Variants in ASAP1 observed in about 807,000 individuals in gnomAD.
The protein encoded by ASAP1 is ArfGAP with SH3 domain, ankyrin repeat and PH domain 1, also known as arf-GAP with SH3 domain, ANK repeat and PH domain-containing protein 1.
Under a neutral mutation model 145.2 loss-of-function variants are expected in ASAP1, and 43 were observed. That is an observed-to-expected ratio of 0.30 (90% CI 0.23 to 0.38). The LOEUF is 0.38. Ranked by LOEUF, ASAP1 falls within the 10% of genes least tolerant of loss-of-function variation. The pLI is 1.00. For missense variants in ASAP1, 1,018 were observed against 1,355.3 expected, an observed-to-expected ratio of 0.75 and a Z score of 3.91; for synonymous variants, 546 against 515.5, an observed-to-expected ratio of 1.06 and a Z score of -0.80.
chr8:130,204,155 G>A (rs756908261), intron 5 of ASAP1, among the ~76,000 whole-genome samples: 2 of 152,160 alleles, frequency 1.3e-5, no homozygotes, highest in Non-Finnish European at 2.9e-5. Context: ...ATCAAGGGCA[G>A]CATCAGACTC....
At chr8:130,433,688 GCTT>G (rs1359979762) in intron 1 of ASAP1, among the ~76,000 whole-genome samples, 1 of 152,196 alleles carries the variant, frequency 6.6e-6, no homozygotes, top group African/African-American at 2.4e-5. Context: ...ACTCTTTCAT[GCTT>G]CTTCTCCCTA....
At chr8:130,147,236 A>G (rs1238803583) in intron 13 of ASAP1, among the ~76,000 whole-genome samples, 2 of 151,978 alleles carry the variant, frequency 1.3e-5, no homozygotes, top group South Asian at 2.1e-4. Context: ...AAGAATTCCA[A>G]TAAACCACAG....
Position 130,071,000 on chromosome 8 carries a change from AGGG to A in ASAP1, c.2701+5345_2701+5347del, listed in dbSNP as rs2097444522. ...GGGAGGGGGGGAGAGAGAGAGAGAG[AGGG>A]GAGGGGGGGAGAGAGAGAGAGAGAG... On this transcript the variant is annotated intron_variant, in intron 27 of 29. Transcript: ENST00000518721. Among the ~76,000 whole-genome samples the A allele has an allele frequency of 2.1e-3, 10 of 4,752 alleles. 1 individual carries two copies. The highest frequency in any genetic ancestry group is 5.2e-3 in the African/African-American group (3 of 574). 3.1% of individuals were successfully genotyped at this position (4,752 alleles called of 152,430 possible). A position where few individuals can be genotyped will look rare whatever the true frequency, so the allele number is the denominator to read the frequency against.
rs543806445 is a variant in ASAP1 at position 130,213,801 on chromosome 8, C to T, written c.405+755G>A. 5.3e-5 allele frequency among the ~76,000 whole-genome samples: 8 copies of T among 152,274 alleles called. No homozygotes were observed. In the East Asian group the frequency reaches 7.7e-4, roughly 15 times the overall value. On this transcript the variant is annotated intron_variant, in intron 5 of 29. Coordinates refer to ENST00000518721, the MANE Select transcript of ASAP1 (RefSeq NM_018482.4). ...CAAAACCAACAAAATCCAAATGATCCGTCCAGGTGGTGTTACCCAGAACCT... is the reference window on the plus strand; with the variant it reads ...CAAAACCAACAAAATCCAAATGATCTGTCCAGGTGGTGTTACCCAGAACCT...
intron 2 of ASAP1, among the ~76,000 whole-genome samples, chr8:130,391,008 A>C (rs1229081456): frequency 1.3e-5 from 2 of 151,646 alleles, no homozygotes; most frequent in African/African-American, 2.4e-5. Context: ...ATAATTCATA[A>C]CAACCAAAAG....
At chr8:130,191,628 G>T (rs780645789) in intron 5 of ASAP1, among the ~76,000 whole-genome samples, 9 of 152,114 alleles carry the variant, frequency 5.9e-5, no homozygotes, top group Non-Finnish European at 1.2e-4. Flanking sequence ...GGTGTGAGAA[G>T]GACCAACGCT....
chr8:130,124,119 A>G lies in ASAP1; in HGVS notation c.1516-15T>C. On this transcript the variant is annotated splice_polypyrimidine_tract_variant and intron_variant, in intron 17 of 29. Transcript: ENST00000518721. ...TTCTTGGCCAGCTGTAACAGAAAAA[A>G]CAAACAACCACAATATAGCAAACTC... 1 of 1,543,576 alleles carries G rather than the reference A, an allele frequency of 6.5e-7. No homozygotes were observed. The highest frequency in any genetic ancestry group is 8.8e-7 in the Non-Finnish European group (1 of 1,130,304).
intron 12 of ASAP1, among the ~76,000 whole-genome samples, chr8:130,159,357 TCA>T (rs1253011022): frequency 2.0e-5 from 3 of 151,718 alleles, no homozygotes; most frequent in African/African-American, 7.3e-5. Context: ...GCACGGTGGC[TCA>T]CACCTAAAAT....
chr8:130,403,857 T>C (rs1402139526), intron 1 of ASAP1, among the ~76,000 whole-genome samples: 1 of 152,132 alleles, frequency 6.6e-6, no homozygotes, highest in African/African-American at 2.4e-5. Flanking sequence ...CCCGGCCCAT[T>C]GGACATTTTC....
chr8:130,398,363 A>G (rs1828628297), intron 2 of ASAP1, among the ~76,000 whole-genome samples: 1 of 152,216 alleles, frequency 6.6e-6, no homozygotes, highest in Non-Finnish European at 1.5e-5. Context: ...TGGGAAAAAT[A>G]GTACTTACTA....
At chr8:130,244,811 C>A (rs2114197) in intron 3 of ASAP1, among the ~76,000 whole-genome samples, 2 of 152,064 alleles carry the variant, frequency 1.3e-5, no homozygotes, top group African/African-American at 2.4e-5. Context: ...CCATCTTTAA[C>A]CCCTGCAATC....
At chr8:130,395,226 G>T (rs1333753000) in intron 2 of ASAP1, among the ~76,000 whole-genome samples, 2 of 152,200 alleles carry the variant, frequency 1.3e-5, no homozygotes, top group African/African-American at 4.8e-5. Flanking sequence ...GAAAGAAAGG[G>T]AAGGCAACAA....
Position 130,118,188 on chromosome 8 carries a change from T to C in ASAP1, c.1853A>G (p.His618Arg), listed in dbSNP as rs1212027477. The change falls in exon 20 of 30, where the codon CAT becomes CGT. Residue 618 changes from histidine (H) to arginine (R), a missense_variant. By Grantham distance (29) the His-to-Arg change is conservative (BLOSUM62 0). This residue lies in a region of ASAP1 where 353 missense variants were observed against 375.4 expected (regional missense o/e 0.94). Transcript: ENST00000518721. ...GTTTTGTACAAGGAAGTCAACCAAA[T>C]GGAGAGATGTCTGATCTGCAGTTCG... ...AVRTADQTSL[H>R]LVDFLVQNCG... The C allele has an allele frequency of 1.2e-6, 2 of 1,613,770 alleles. No individual in the cohort carries two copies. The highest frequency in any genetic ancestry group is 1.3e-5 in the African/African-American group (1 of 75,006).
intron 1 of ASAP1, among the ~76,000 whole-genome samples, chr8:130,424,720 G>C (rs1009270682): frequency 6.6e-6 from 1 of 152,056 alleles, no homozygotes; most frequent in African/African-American, 2.4e-5. Flanking sequence ...CAGGCCAGGC[G>C]TGGTGGCTCA....
chr8:130,300,153 C>CACACACACACACACAGAG (rs1196584279), intron 3 of ASAP1, among the ~76,000 whole-genome samples: 1 of 76,892 alleles, frequency 1.3e-5, no homozygotes, highest in Non-Finnish European at 2.5e-5. Context: ...CACACACACA[C>CACACACACACACACAGAG]AGAGAGAGAG....
At chr8:130,107,735 G>C (rs1210691888) in intron 24 of ASAP1, among the ~76,000 whole-genome samples, 2 of 151,894 alleles carry the variant, frequency 1.3e-5, no homozygotes, top group African/African-American at 4.8e-5. Context: ...TTTTAGTAGA[G>C]ATAGGGTTTC....
chr8:130,219,520 G>A (rs543391487), intron 4 of ASAP1, among the ~76,000 whole-genome samples: 3 of 152,242 alleles, frequency 2.0e-5, no homozygotes, highest in African/African-American at 4.8e-5. Context: ...TGAAGGAGAC[G>A]GACTGATAAG....
At chr8:130,357,587 G>C (rs1022393935) in intron 3 of ASAP1, among the ~76,000 whole-genome samples, 1 of 152,228 alleles carries the variant, frequency 6.6e-6, no homozygotes, top group Admixed American at 6.5e-5. Context: ...TCGGGCCGCT[G>C]AGGGGTGCGT....
At chr8:130,141,728 AT>A (rs1489750677) in intron 13 of ASAP1, among the ~76,000 whole-genome samples, 27 of 151,974 alleles carry the variant, frequency 1.8e-4, no homozygotes, top group Admixed American at 1.8e-3. Flanking sequence ...AAAAATATGT[AT>A]TTTTTAGAGA....
Sources: gnomAD v4.1 joint callset for allele counts (sites outside exome capture counted in the v4.1 genomes callset) on GRCh38, gnomAD v4.1.1 for gene constraint, gnomAD v4.1.1 regional missense constraint, MANE v1.5 for transcripts, NCBI Gene and HGNC (gene_info 2026-07-23, HGNC 2026-07-21) for gene names.